The following RUNX1 variants were observed in gnomAD, a reference collection of about 807,000 sequenced individuals.
RUNX1 encodes the protein runt-related transcription factor 1.
A neutral mutation model predicts 42.8 loss-of-function variants in RUNX1; 19 were observed. The ratio of observed to expected loss-of-function variants is 0.44; its 90% CI spans 0.31 to 0.65. RUNX1 has a LOEUF of 0.65. RUNX1 is among the 30% of genes least tolerant of loss of function. The pLI, the probability that RUNX1 is intolerant of heterozygous loss-of-function variation, is 0.07. For synonymous variants in RUNX1, 271 were observed against 289.4 expected (o/e 0.94, Z 0.64); for missense variants, 528 against 672.0 (o/e 0.79, Z 2.37).
intron 2 of RUNX1, among the ~76,000 whole-genome samples, chr21:35,019,223 G>C (rs760935507): frequency 1.1e-4 from 16 of 152,188 alleles, no homozygotes; most frequent in Non-Finnish European, 2.1e-4. Flanking sequence ...TGCAGGTGCT[G>C]CTTTCTTCTC....
At chr21:34,903,499 G>C (rs2058193560) in intron 2 of RUNX1, among the ~76,000 whole-genome samples, 1 of 152,078 alleles carries the variant, frequency 6.6e-6, no homozygotes, top group South Asian at 2.1e-4. Context: ...CTTAGAAAGG[G>C]AATATAGAAG....
At chr21:34,887,551 T>C in intron 3 of RUNX1, 2 of 1,129,462 alleles carry the variant, frequency 1.8e-6, no homozygotes, top group Non-Finnish European at 2.2e-6. Context: ...CCTGTCAGTT[T>C]TTTGCAGGTG....
chr21:34,885,383 G>A (rs562034740), intron 4 of RUNX1, among the ~76,000 whole-genome samples: 1 of 152,184 alleles, frequency 6.6e-6, no homozygotes, highest in South Asian at 2.1e-4. Context: ...AAAGTAAAAT[G>A]GTCTCCCAAA....
Position 34,918,304 on chromosome 21 carries a change from T to TG in RUNX1, c.59-25342dup, listed in dbSNP as rs1382577334. ...CAATATTCTCACCTTGAAAACCTCT[T>TG]GGGGAGACTTCTCAACATAGGTTTG... On this transcript the variant is annotated intron_variant, in intron 2 of 8. Coordinates refer to ENST00000675419, the MANE Select transcript of RUNX1 (RefSeq NM_001754.5). 2.6e-5 allele frequency among the ~76,000 whole-genome samples: 4 copies of TG among 151,990 alleles called. No homozygotes were observed. The East Asian group carries it at 5.8e-4, about 22-fold the overall frequency.
chr21:34,961,180 C>T (rs1467815187), intron 2 of RUNX1, among the ~76,000 whole-genome samples: 3 of 152,076 alleles, frequency 2.0e-5, no homozygotes, highest in Non-Finnish European at 4.4e-5. Flanking sequence ...TCGAGACCAT[C>T]CTGGCCAACA....
At chr21:34,816,219 G>A (rs1222434171) in intron 7 of RUNX1, among the ~76,000 whole-genome samples, 1 of 152,214 alleles carries the variant, frequency 6.6e-6, no homozygotes, top group Non-Finnish European at 1.5e-5. Context: ...TGTCCCAGGA[G>A]CAAGGAAAAA....
intron 7 of RUNX1, among the ~76,000 whole-genome samples, chr21:34,820,600 T>C (rs967489476): frequency 5.4e-5 from 8 of 148,750 alleles, no homozygotes; most frequent in African/African-American, 7.5e-5. Context: ...ACCCGGGAGG[T>C]AGAGGTTGCA....
intron 2 of RUNX1, among the ~76,000 whole-genome samples, chr21:35,008,211 T>C (rs954115073): frequency 6.6e-6 from 1 of 152,242 alleles, no homozygotes; most frequent in Middle Eastern, 3.2e-3. Context: ...TTGGTTCATC[T>C]TCCTACAACC....
At chr21:34,855,809 T>C (rs1213089770) in intron 6 of RUNX1, among the ~76,000 whole-genome samples, 2 of 152,354 alleles carry the variant, frequency 1.3e-5, no homozygotes, top group East Asian at 3.9e-4. Flanking sequence ...ACTCTCAGTA[T>C]ATCAACAAGC....
intron 2 of RUNX1, among the ~76,000 whole-genome samples, chr21:34,906,606 T>A (rs2058221719): frequency 6.6e-6 from 1 of 152,196 alleles, no homozygotes. Context: ...AAGTAAGAAT[T>A]TGACCCAGTC....
At chr21:34,821,642 G>C in intron 7 of RUNX1, 1 of 1,564,136 alleles carries the variant, frequency 6.4e-7, no homozygotes, top group Admixed American at 1.9e-5. Context: ...TGGGGAGAGG[G>C]ATGGACAGAA....
intron 2 of RUNX1, among the ~76,000 whole-genome samples, chr21:34,991,353 C>T (rs536158049): frequency 1.3e-5 from 2 of 152,320 alleles, no homozygotes; most frequent in East Asian, 1.9e-4. Flanking sequence ...CCTGGGTAGG[C>T]GCCCTGCCCT....
intron 2 of RUNX1, among the ~76,000 whole-genome samples, chr21:34,965,065 T>G (rs1027384446): frequency 6.6e-6 from 1 of 152,148 alleles, no homozygotes; most frequent in Non-Finnish European, 1.5e-5. Context: ...CAGCCTTCCA[T>G]GCACATGCTA....
intron 2 of RUNX1, among the ~76,000 whole-genome samples, chr21:34,977,287 A>G (rs1371330714): frequency 6.6e-6 from 1 of 152,226 alleles, no homozygotes; most frequent in Non-Finnish European, 1.5e-5. Flanking sequence ...GAAGAAGGGA[A>G]TTTTGAGCCA....
At chr21:34,932,250 GATA>G in intron 2 of RUNX1, among the ~76,000 whole-genome samples, 1 of 152,254 alleles carries the variant, frequency 6.6e-6, no homozygotes, top group Middle Eastern at 3.4e-3. Context: ...AGTAATATAT[GATA>G]ATAAATTAAT....
intron 3 of RUNX1, chr21:34,887,718 T>C: frequency 9.4e-7 from 1 of 1,060,056 alleles, no homozygotes; most frequent in East Asian, 5.2e-5. Context: ...ATACATATGC[T>C]CTACTTCATA....
intron 7 of RUNX1, among the ~76,000 whole-genome samples, chr21:34,801,012 A>G (rs2056599871): frequency 6.6e-6 from 1 of 152,160 alleles, no homozygotes; most frequent in African/African-American, 2.4e-5. Context: ...GCTCCTGTGT[A>G]ATCTTACAGC....
intron 2 of RUNX1, among the ~76,000 whole-genome samples, chr21:35,002,577 G>A (rs933572052): frequency 4.6e-5 from 7 of 151,732 alleles, no homozygotes; most frequent in South Asian, 2.1e-4. Context: ...ACAGGCACAC[G>A]CCACCATGCC....
chr21:35,046,666 T>A (rs2059398250), intron 2 of RUNX1, among the ~76,000 whole-genome samples: 1 of 152,192 alleles, frequency 6.6e-6, no homozygotes, highest in African/African-American at 2.4e-5. Context: ...GGGTGAATGA[T>A]GTGGACAGTT....
Sources: gnomAD v4.1 joint callset for allele counts (sites outside exome capture counted in the v4.1 genomes callset) on GRCh38, gnomAD v4.1.1 for gene constraint, MANE v1.5 for transcripts, NCBI Gene and HGNC (gene_info 2026-07-23, HGNC 2026-07-21) for gene names.